Variants in GLT1D1 observed in about 807,000 individuals in gnomAD.
GLT1D1 encodes the protein glycosyltransferase 1 domain containing 1, also known as glycosyltransferase 1 domain-containing protein 1.
Under a neutral mutation model 28.7 loss-of-function variants are expected in GLT1D1, and 21 were observed. The observed-to-expected ratio is 0.73, with a 90% CI of 0.52 to 1.05. GLT1D1 has a LOEUF of 1.05. Among genes scored for constraint, GLT1D1 ranks in the 50% least tolerant of loss-of-function variants. The pLI is 0.00. For missense variants in GLT1D1, 343 were observed against 330.6 expected (o/e 1.04, Z -0.29); for synonymous variants, 147 against 124.8 (o/e 1.18, Z -1.19).
At chr12:128,982,618 G>A (rs973176324) in intron 7 of GLT1D1, among the ~76,000 whole-genome samples, 1 of 152,302 alleles carries the variant, frequency 6.6e-6, no homozygotes. Flanking sequence ...CTTGTTGATT[G>A]AGGGAAGGGA....
At chr12:128,955,536 G>A (rs999005300) in intron 6 of GLT1D1, among the ~76,000 whole-genome samples, 2 of 147,838 alleles carry the variant, frequency 1.4e-5, no homozygotes, top group African/African-American at 5.0e-5. Flanking sequence ...TTTTTTTCAG[G>A]CAGGATCCAC....
chr12:128,883,320 A>T (rs1443751540), intron 2 of GLT1D1, among the ~76,000 whole-genome samples: 1 of 150,652 alleles, frequency 6.6e-6, no homozygotes, highest in African/African-American at 2.4e-5. Context: ...GGCCGGGCGT[A>T]GTGGCTCATG....
intron 4 of GLT1D1, among the ~76,000 whole-genome samples, chr12:128,908,924 G>A (rs1043980938): frequency 6.6e-6 from 1 of 152,072 alleles, no homozygotes; most frequent in African/African-American, 2.4e-5. Context: ...ACTCCAGCCT[G>A]GGCGACAGAG....
At chr12:128,977,202 A>T (rs1366952071) in intron 7 of GLT1D1, among the ~76,000 whole-genome samples, 3 of 152,190 alleles carry the variant, frequency 2.0e-5, no homozygotes, top group Non-Finnish European at 2.9e-5. Context: ...GATCTTGGTG[A>T]AACCTCAGGG....
chr12:128,853,591 C>A lies in GLT1D1; in HGVS notation c.10C>A (p.Leu4Met). The change falls in exon 1 of 8, where the codon CTG becomes ATG. Residue 4 changes from leucine (L) to methionine (M), a missense_variant. By Grantham distance (15) the Leu-to-Met change is conservative. Transcript: ENST00000281703. ...GGGCGGCGGCGGCGGCATGCGGCTC[C>A]TGTTCCTGGCGGTGCTGCGGCCACA... 8.7e-7 allele frequency: 1 copy of A among 1,155,624 alleles called. No individual in the cohort carries two copies. The highest frequency in any genetic ancestry group is 2.5e-5 in the South Asian group (1 of 39,460). The allele number at this position is 1,155,624 out of a possible 1,614,324, so 71.6% of individuals were successfully genotyped here.
At chr12:128,965,424 C>G (rs949292923) in intron 7 of GLT1D1, among the ~76,000 whole-genome samples, 1 of 152,194 alleles carries the variant, frequency 6.6e-6, no homozygotes, top group Admixed American at 6.5e-5. Context: ...CCCAGCCCAG[C>G]CCAAACTTTG....
At chr12:128,864,179 T>A (rs1007987552) in intron 1 of GLT1D1, 3 of 682,574 alleles carry the variant, frequency 4.4e-6, no homozygotes, top group Non-Finnish European at 8.0e-6. Flanking sequence ...GACGACACAC[T>A]GTAAGTTTTT....
chr12:128,904,545 C>T (rs1399770940), intron 4 of GLT1D1, among the ~76,000 whole-genome samples: 2 of 151,530 alleles, frequency 1.3e-5, no homozygotes, highest in Non-Finnish European at 2.9e-5. Context: ...GTAGGACTGT[C>T]CTCAGAGGAG....
intron 3 of GLT1D1, among the ~76,000 whole-genome samples, chr12:128,892,090 C>A (rs1368854552): frequency 6.6e-6 from 1 of 152,162 alleles, no homozygotes; most frequent in Non-Finnish European, 1.5e-5. Context: ...AGGTCGCATT[C>A]TTTTGCATTT....
intron 4 of GLT1D1, among the ~76,000 whole-genome samples, chr12:128,919,352 T>G (rs1872420379): frequency 6.6e-6 from 1 of 152,064 alleles, no homozygotes; most frequent in Non-Finnish European, 1.5e-5. Context: ...GGGGAGTGGG[T>G]GGGAAGGGCT....
intron 3 of GLT1D1, among the ~76,000 whole-genome samples, chr12:128,898,043 T>C (rs530109713): frequency 7.2e-5 from 11 of 152,344 alleles, no homozygotes; most frequent in South Asian, 4.1e-4. Context: ...CTATCTTTTT[T>C]TCACTGCCAA....
intron 4 of GLT1D1, among the ~76,000 whole-genome samples, chr12:128,931,745 C>G (rs866849578): frequency 2.5e-4 from 38 of 152,234 alleles, no homozygotes; most frequent in African/African-American, 8.7e-4. Flanking sequence ...CCTGCAGGGC[C>G]GGGAGCTGAC....
chr12:128,971,845 C>T (rs190136355), intron 7 of GLT1D1, among the ~76,000 whole-genome samples: 1,304 of 79,138 alleles, frequency 0.016, 41 homozygotes, highest in East Asian at 0.04. Flanking sequence ...CCCTCCCTTC[C>T]TCTCTCCCTT....
At chr12:128,882,331 A>G (rs915740488) in intron 2 of GLT1D1, among the ~76,000 whole-genome samples, 12 of 145,518 alleles carry the variant, frequency 8.2e-5, no homozygotes, top group Non-Finnish European at 1.5e-4. Flanking sequence ...AGGCTGGAGT[A>G]CAATGGTGAG....
chr12:128,974,005 A>AG (rs1323321384), intron 7 of GLT1D1, among the ~76,000 whole-genome samples: 2 of 145,774 alleles, frequency 1.4e-5, no homozygotes, highest in Non-Finnish European at 1.5e-5. Context: ...CGGTGCTCAG[A>AG]GGGGGACAGT....
chr12:128,864,118 G>C (rs1220931877), intron 1 of GLT1D1: 2 of 669,796 alleles, frequency 3.0e-6, no homozygotes, highest in African/African-American at 3.6e-5. Context: ...GCTGATGCCA[G>C]CTCGGCTGGG....
intron 4 of GLT1D1, among the ~76,000 whole-genome samples, chr12:128,925,410 C>T (rs1035441181): frequency 1.3e-5 from 2 of 152,226 alleles, no homozygotes; most frequent in Non-Finnish European, 2.9e-5. Context: ...CATTCAGCTC[C>T]CACTGATAAG....
intron 2 of GLT1D1, among the ~76,000 whole-genome samples, chr12:128,881,902 C>T (rs867818276): frequency 4.6e-5 from 7 of 151,736 alleles, no homozygotes; most frequent in Admixed American, 1.3e-4. Flanking sequence ...TGAATGGTCC[C>T]GTCCTATTTC....
chr12:128,980,782 TGTCA>T (rs1448370576), intron 7 of GLT1D1, among the ~76,000 whole-genome samples: 11 of 152,304 alleles, frequency 7.2e-5, no homozygotes, highest in African/African-American at 2.4e-4. Flanking sequence ...CGATATATCC[TGTCA>T]GTCAAAGCAA....
Sources: allele counts gnomAD v4.1 joint callset (sites outside exome capture counted in the v4.1 genomes callset), GRCh38; gene constraint gnomAD v4.1.1; transcripts MANE v1.5; gene names NCBI Gene and HGNC (gene_info 2026-07-23, HGNC 2026-07-21).